NBEA: variants seen among roughly 807,000 people sequenced by gnomAD.
The protein encoded by NBEA is lysosomal-trafficking regulator 2.
NBEA carries 44 observed loss-of-function variants against 343.4 expected under a neutral mutation model. That is an observed-to-expected ratio of 0.13 (90% CI 0.10 to 0.16). NBEA has a LOEUF of 0.16. Among genes scored for constraint, NBEA ranks in the 10% least tolerant of loss-of-function variants. NBEA has a pLI of 1.00. For synonymous variants in NBEA, 1,175 were observed against 1,238.7 expected, an observed-to-expected ratio of 0.95 and a Z score of 1.08; for missense variants, 2,555 against 3,631.3, an observed-to-expected ratio of 0.70 and a Z score of 7.62.
chr13:35,473,428 T>C (rs1301240668), intron 41 of NBEA, among the ~76,000 whole-genome samples: 1 of 152,190 alleles, frequency 6.6e-6, no homozygotes, highest in Non-Finnish European at 1.5e-5. Context: ...CTTTATTGTT[T>C]TTAATTTAGA....
At chr13:35,127,983 G>A (rs2067215560) in intron 17 of NBEA, among the ~76,000 whole-genome samples, 1 of 150,846 alleles carries the variant, frequency 6.6e-6, no homozygotes, top group Admixed American at 6.6e-5. Flanking sequence ...ATGAAACCCA[G>A]TTCTGTATGC....
intron 8 of NBEA, 73 bp downstream of exon 8, chr13:35,058,936 G>A (rs2063363262): frequency 7.9e-7 from 1 of 1,271,082 alleles, no homozygotes; most frequent in South Asian, 1.7e-5. Context: ...ATCATTTTTA[G>A]TGAAAATCTT....
At chr13:35,489,724 A>G (rs1288573149) in intron 41 of NBEA, among the ~76,000 whole-genome samples, 2 of 151,894 alleles carry the variant, frequency 1.3e-5, no homozygotes, top group East Asian at 1.9e-4. Context: ...AAATCTCAAA[A>G]TGTTTATGGC....
chr13:35,270,074 T>G (rs960137159), intron 34 of NBEA, among the ~76,000 whole-genome samples: 2 of 152,202 alleles, frequency 1.3e-5, no homozygotes. Flanking sequence ...CCTGATGTTC[T>G]GAGAACTTCT....
In NBEA at chr13:34,967,826, A is replaced by G. The variant is rs982216182; in HGVS notation, c.294+24712A>G. The stretch of plus-strand genomic sequence containing the variant: ...CACTAATTAAGTGTCCTAAAATTCA[A>G]TCCTGATACTACATAGAGTTAGTGC... On this transcript the variant is annotated intron_variant, in intron 1 of 58. Coordinates refer to ENST00000379939, the MANE Select transcript of NBEA (RefSeq NM_001385012.1). 3.3e-5 allele frequency among the ~76,000 whole-genome samples: 5 copies of G among 152,180 alleles called. No homozygotes were observed. In the South Asian group the frequency reaches 6.2e-4, roughly 19 times the overall value.
intron 33 of NBEA, among the ~76,000 whole-genome samples, chr13:35,213,765 A>G (rs1274725241): frequency 6.6e-6 from 1 of 151,864 alleles, no homozygotes; most frequent in East Asian, 1.9e-4. Flanking sequence ...ATATTGTTCA[A>G]ACTCAATAAA....
At chr13:35,478,754 C>G (rs2075993327) in intron 41 of NBEA, among the ~76,000 whole-genome samples, 1 of 152,254 alleles carries the variant, frequency 6.6e-6, no homozygotes, top group African/African-American at 2.4e-5. Context: ...GCGCCCTGCG[C>G]TCTCTCCCTT....
intron 41 of NBEA, among the ~76,000 whole-genome samples, chr13:35,547,566 G>A (rs141911237): frequency 9.0e-4 from 137 of 152,210 alleles, no homozygotes; most frequent in African/African-American, 3.1e-3. Flanking sequence ...AGTAACAAGG[G>A]ACTGGCTAGT....
chr13:35,093,288 C>G (rs1267476853), intron 10 of NBEA, among the ~76,000 whole-genome samples: 1 of 144,746 alleles, frequency 6.9e-6, no homozygotes, highest in Non-Finnish European at 1.5e-5. Flanking sequence ...ATCTATGTAT[C>G]TATTTAACAT....
At chr13:35,626,340 G>C (rs1285309274) in intron 48 of NBEA, among the ~76,000 whole-genome samples, 1 of 152,128 alleles carries the variant, frequency 6.6e-6, no homozygotes, top group Non-Finnish European at 1.5e-5. Context: ...CATTTTAAAA[G>C]CTCAAATTAT....
intron 38 of NBEA, among the ~76,000 whole-genome samples, chr13:35,420,455 G>A (rs1397855406): frequency 6.6e-6 from 1 of 151,928 alleles, no homozygotes; most frequent in African/African-American, 2.4e-5. Flanking sequence ...CTATATAAAG[G>A]ATGGATATTG....
At chr13:35,545,803 G>T (rs936830456) in intron 41 of NBEA, among the ~76,000 whole-genome samples, 3 of 152,098 alleles carry the variant, frequency 2.0e-5, no homozygotes, top group South Asian at 4.1e-4. Flanking sequence ...TTCCATGGTA[G>T]TGCAAATTAA....
intron 41 of NBEA, among the ~76,000 whole-genome samples, chr13:35,522,303 A>G (rs1171905978): frequency 2.0e-5 from 3 of 151,696 alleles, no homozygotes; most frequent in Non-Finnish European, 4.4e-5. Context: ...CCCTGTCTCT[A>G]CTAAAAATAC....
rs558874678 is a variant in NBEA, at chr13:34,950,552, A to C, written c.294+7438A>C. On this transcript the variant is annotated intron_variant, in intron 1 of 58. Coordinates refer to ENST00000379939, the MANE Select transcript of NBEA (RefSeq NM_001385012.1). ...AATATTCTAAATTAAAAAATTTAGA[A>C]TATTCTAATTTTCTAAATTAAATAT... is the stretch of plus-strand genomic sequence containing the variant. Among the ~76,000 whole-genome samples the C allele has an allele frequency of 3.5e-4, 53 of 151,222 alleles. 1 individual carries two copies. The South Asian group carries it at 8.7e-3, about 25-fold the overall frequency.
chr13:34,942,740 G>T lies in NBEA; in HGVS notation c.-81G>T, dbSNP rs1284432852. 2 of 1,174,366 alleles carry T rather than the reference G, an allele frequency of 1.7e-6. No homozygotes were observed. The highest frequency in any genetic ancestry group is 2.1e-6 in the Non-Finnish European group (2 of 931,480). 72.7% of individuals were successfully genotyped at this position (1,174,366 alleles called of 1,614,324 possible). On this transcript the variant is annotated 5_prime_UTR_variant, in exon 1 of 59. Coordinates refer to ENST00000379939, the MANE Select transcript of NBEA (RefSeq NM_001385012.1). ...TGCTGGGGCTCCGAGGCGACGGCCG[G>T]GGGGCGGGGGCCGAGGCAGGTATAA... is the stretch of plus-strand genomic sequence containing the variant.
At chr13:35,298,343 C>G (rs2036297886) in intron 35 of NBEA, among the ~76,000 whole-genome samples, 1 of 149,956 alleles carries the variant, frequency 6.7e-6, no homozygotes, top group African/African-American at 2.5e-5. Context: ...CAAATGGCAG[C>G]TAATTATGTG....
At position 35,180,484 on chromosome 13, in the gene NBEA, C is replaced by T. The variant is rs568868561; in HGVS notation, c.4663-1876C>T. On this transcript the variant is annotated intron_variant, in intron 28 of 58. Transcript: ENST00000379939. The stretch of plus-strand genomic sequence containing the variant: ...ATTTTAAAGTTATCTCTCTACCATA[C>T]CACAGCCGTTGTTTTAACTATCATT... Among the ~76,000 whole-genome samples the T allele has an allele frequency of 5.3e-5, 8 of 151,696 alleles. No individual in the cohort carries two copies. The South Asian group carries it at 1.7e-3, about 31-fold the overall frequency.
At chr13:35,584,442 C>G (rs867160921) in intron 46 of NBEA, among the ~76,000 whole-genome samples, 15 of 151,776 alleles carry the variant, frequency 9.9e-5, no homozygotes, top group African/African-American at 2.4e-4. Context: ...CCTCAGCCTC[C>G]CGAGTAACTA....
chr13:35,205,890 AT>A (rs2073361206), intron 31 of NBEA, among the ~76,000 whole-genome samples: 1 of 152,056 alleles, frequency 6.6e-6, no homozygotes, highest in Admixed American at 6.6e-5. Context: ...TGATATTACC[AT>A]TATGCATCTC....
Sources: gnomAD v4.1 joint callset for allele counts (sites outside exome capture counted in the v4.1 genomes callset) on GRCh38, gnomAD v4.1.1 for gene constraint, MANE v1.5 for transcripts, NCBI Gene and HGNC (gene_info 2026-07-23, HGNC 2026-07-21) for gene names.